NRF1: variants seen among roughly 807,000 people sequenced by gnomAD.
NRF1 encodes the protein nuclear respiratory factor 1.
NRF1 carries 5 observed loss-of-function variants against 58.5 expected under a neutral mutation model. The ratio of observed to expected loss-of-function variants is 0.09; its 90% CI spans 0.04 to 0.18. The LOEUF (loss-of-function observed/expected upper bound fraction) is 0.18, where lower values mean the gene tolerates loss of function less well. NRF1 is among the 10% of genes least tolerant of loss of function. The pLI is 1.00. For synonymous variants in NRF1, 224 were observed against 246.7 expected (o/e 0.91, Z 0.86); for missense variants, 288 against 657.7 (o/e 0.44, Z 6.15).
chr7:129,748,237 T>A (rs992919599), intron 10 of NRF1, among the ~76,000 whole-genome samples: 22 of 122,052 alleles, frequency 1.8e-4, no homozygotes, highest in African/African-American at 6.9e-4. Flanking sequence ...ATCAGGCCAC[T>A]GCACTCCAGC....
At position 129,623,251 on chromosome 7, in the gene NRF1, G is replaced by A. The variant is rs963899613; in HGVS notation, c.-7+11427G>A. ...TTCTATTTGCAGGTTAGTTTCTGAA[G>A]TGAAGAACCTTGTCTCAAGATAGCA... is the stretch of plus-strand genomic sequence containing the variant. On this transcript the variant is annotated intron_variant, in intron 1 of 10. Transcript: ENST00000393232. Among the ~76,000 whole-genome samples, 7 of 152,300 alleles carry A rather than the reference G, an allele frequency of 4.6e-5. 1 individual carries two copies. The highest frequency in any genetic ancestry group is 1.7e-4 in the African/African-American group (7 of 41,564).
intron 5 of NRF1, among the ~76,000 whole-genome samples, chr7:129,696,304 T>TA (rs1320079344): frequency 1.3e-5 from 2 of 152,190 alleles, no homozygotes; most frequent in Non-Finnish European, 2.9e-5. Flanking sequence ...TGCTTTGTTT[T>TA]ACGCAAAGAT....
intron 1 of NRF1, among the ~76,000 whole-genome samples, chr7:129,650,994 A>T (rs972566411): frequency 1.3e-5 from 2 of 152,194 alleles, no homozygotes; most frequent in African/African-American, 4.8e-5. Context: ...TATCAGTCAT[A>T]TCTGGCATTA....
intron 9 of NRF1, among the ~76,000 whole-genome samples, chr7:129,721,259 A>G (rs1365511560): frequency 6.6e-6 from 1 of 151,938 alleles, no homozygotes; most frequent in Non-Finnish European, 1.5e-5. Context: ...TTGTAGACTT[A>G]CTCTACGTTT....
chr7:129,725,699 C>G (rs1185284437), intron 9 of NRF1, among the ~76,000 whole-genome samples: 5 of 152,230 alleles, frequency 3.3e-5, no homozygotes, highest in Middle Eastern at 3.4e-3. Context: ...TTCTTTTATA[C>G]TTAATAGAGT....
intron 1 of NRF1, among the ~76,000 whole-genome samples, chr7:129,628,060 T>C (rs1277100633): frequency 7.2e-4 from 45 of 62,782 alleles, no homozygotes; most frequent in African/African-American, 2.2e-3. Context: ...TTTTTTTTTT[T>C]TGAGACGGAG....
intron 4 of NRF1, among the ~76,000 whole-genome samples, 168 bp from the exon 5 acceptor site, chr7:129,690,238 A>G (rs1802533391): frequency 6.6e-6 from 1 of 152,158 alleles, no homozygotes; most frequent in Non-Finnish European, 1.5e-5. Flanking sequence ...TATGTTCAGT[A>G]TGATGTCTTT....
intron 1 of NRF1, among the ~76,000 whole-genome samples, chr7:129,620,679 C>T (rs760941943): frequency 1.1e-4 from 16 of 152,172 alleles, no homozygotes; most frequent in Non-Finnish European, 2.1e-4. Context: ...AGCCACCGCA[C>T]TGGGCCCAAA....
In NRF1 at chr7:129,622,969, AT is replaced by A. The variant is rs1259213773; in HGVS notation, c.-7+11146del. On this transcript the variant is annotated intron_variant, in intron 1 of 10. Coordinates refer to ENST00000393232, the MANE Select transcript of NRF1 (RefSeq NM_005011.5). Reference sequence around the variant, plus strand: ...AACATTCTTAATGAGACAGTTACAGATCCATTTGTTTTAATGAAATGTAAAA... The same window carrying A: ...AACATTCTTAATGAGACAGTTACAGACCATTTGTTTTAATGAAATGTAAAA... Among the ~76,000 whole-genome samples, 9 of 152,306 alleles carry A rather than the reference AT, an allele frequency of 5.9e-5. No individual in the cohort carries two copies. In the East Asian group the frequency reaches 1.3e-3, roughly 23 times the overall value.
In NRF1 at chr7:129,624,577, C is replaced by T. The variant is rs1271807291; in HGVS notation, c.-7+12753C>T. ...GTCTTCAGTCTCTTCTTGAACACAT[C>T]CAGTGATAGGAAACGTAACCACCTA... On this transcript the variant is annotated intron_variant, in intron 1 of 10. Coordinates refer to ENST00000393232, the MANE Select transcript of NRF1 (RefSeq NM_005011.5). 2.6e-5 allele frequency among the ~76,000 whole-genome samples: 4 copies of T among 152,150 alleles called. No homozygotes were observed. The East Asian group carries it at 7.7e-4, about 29-fold the overall frequency.
At chr7:129,754,470 A>AAAAAAAAAT (rs1389136980) in intron 10 of NRF1, among the ~76,000 whole-genome samples, 1 of 149,746 alleles carries the variant, frequency 6.7e-6, no homozygotes, top group African/African-American at 2.5e-5. Context: ...CTCTTAAAAA[A>AAAAAAAAAT]AAAAAAAAAA....
chr7:129,674,402 TA>T (rs11437601), intron 3 of NRF1, among the ~76,000 whole-genome samples: 47 of 146,408 alleles, frequency 3.2e-4, no homozygotes, highest in Non-Finnish European at 4.4e-4. Flanking sequence ...GTATTATATC[TA>T]AAAAAAAAAA....
chr7:129,683,304 T>TGAGA (rs1562969577), intron 4 of NRF1, among the ~76,000 whole-genome samples: 14 of 141,092 alleles, frequency 9.9e-5, no homozygotes, highest in African/African-American at 3.6e-4. Flanking sequence ...TGTGTGTGTG[T>TGAGA]GTGTGTGTGT....
intron 3 of NRF1, among the ~76,000 whole-genome samples, chr7:129,673,903 G>T (rs1802114567): frequency 6.6e-6 from 1 of 152,064 alleles, no homozygotes; most frequent in African/African-American, 2.4e-5. Context: ...ACTTTGGGAG[G>T]CCGAGGTGGG....
chr7:129,699,157 G>A (rs1802761977), intron 5 of NRF1, among the ~76,000 whole-genome samples: 2 of 152,190 alleles, frequency 1.3e-5, no homozygotes, highest in African/African-American at 4.8e-5. Context: ...GTAATTTACA[G>A]CAGTTTCAGG....
chr7:129,658,076 A>G (rs6946418), intron 2 of NRF1, among the ~76,000 whole-genome samples: 64,026 of 151,968 alleles, frequency 0.42, 15,758 homozygotes, highest in African/African-American at 0.68. Flanking sequence ...CAATTACGTT[A>G]AACAGAATCA....
At chr7:129,643,432 G>A (rs1801337896) in intron 1 of NRF1, among the ~76,000 whole-genome samples, 1 of 152,222 alleles carries the variant, frequency 6.6e-6, no homozygotes. Flanking sequence ...TGGAAATTGA[G>A]GCAGCCTCTA....
chr7:129,682,091 G>C (rs904936390), intron 4 of NRF1, among the ~76,000 whole-genome samples: 3 of 143,632 alleles, frequency 2.1e-5, no homozygotes, highest in Admixed American at 7.1e-5. Flanking sequence ...CAATCAGTTA[G>C]TCAGTCAACC....
chr7:129,674,388 A>T (rs1446675086), intron 3 of NRF1, among the ~76,000 whole-genome samples: 3 of 139,846 alleles, frequency 2.1e-5, no homozygotes, highest in Admixed American at 7.0e-5. Flanking sequence ...TAAGTGTTGC[A>T]GTGGTATTAT....
Sources: gnomAD v4.1 joint callset for allele counts (sites outside exome capture counted in the v4.1 genomes callset) on GRCh38, gnomAD v4.1.1 for gene constraint, MANE v1.5 for transcripts, NCBI Gene and HGNC (gene_info 2026-07-23, HGNC 2026-07-21) for gene names.